The following NSD1 variants were observed in gnomAD, a reference collection of about 807,000 sequenced individuals.
NSD1 encodes the protein histone-lysine N-methyltransferase, H3 lysine-36 specific.
NSD1 carries 26 observed loss-of-function variants against 242.7 expected under a neutral mutation model. The observed-to-expected ratio is 0.11, with a 90% confidence interval of 0.08 to 0.15. The LOEUF is 0.15. Among genes scored for constraint, NSD1 ranks in the 10% least tolerant of loss-of-function variants. The pLI is 1.00. For synonymous variants in NSD1, 1,106 were observed against 1,178.1 expected, an observed-to-expected ratio of 0.94 and a Z score of 1.25; for missense variants, 2,495 against 3,272.8, an observed-to-expected ratio of 0.76 and a Z score of 5.80.
At position 177,165,069 on chromosome 5, in the gene NSD1, C is replaced by A. The variant is rs192771842; in HGVS notation, c.928-26815C>A. Among the ~76,000 whole-genome samples, 16 of 152,104 alleles carry A rather than the reference C, an allele frequency of 1.1e-4. No individual in the cohort carries two copies. In the East Asian group the frequency reaches 2.5e-3, roughly 24 times the overall value. ...ATCACTTGAACTCAGAAGTTTGAGA[C>A]CAGCCTGGTCAACATAGGGAAACCT... On this transcript the variant is annotated intron_variant, in intron 2 of 22. Coordinates refer to ENST00000439151, the MANE Select transcript of NSD1 (RefSeq NM_022455.5).
intron 2 of NSD1, among the ~76,000 whole-genome samples, chr5:177,158,998 T>TTATATATATATATATA (rs10564918): frequency 1.0e-3 from 128 of 122,574 alleles, no homozygotes; most frequent in African/African-American, 4.4e-3. Context: ...ATGAATGATT[T>TTATATATATATATATA]TATATATATA....
In NSD1 at chr5:177,295,991, G is replaced by A; in HGVS notation, c.*532G>A. ...TGAGCCTGGATTCCAAGGCTTTCAGGAACCTTTGACCAGGAAGTAACAGGA... is the reference window on the plus strand; with the variant it reads ...TGAGCCTGGATTCCAAGGCTTTCAGAAACCTTTGACCAGGAAGTAACAGGA... On this transcript the variant is annotated 3_prime_UTR_variant, in exon 23 of 23. Transcript: ENST00000439151. This position sits in a 1 kb window ranked among gnomAD's most constrained non-coding sequence, Gnocchi z 4.3. The A allele has an allele frequency of 3.8e-6, 1 of 260,340 alleles. No individual in the cohort carries two copies. Among genetic ancestry groups the A allele is most frequent in the East Asian group, 5.3e-5 (1 of 18,770 alleles). 16.1% of individuals were successfully genotyped at this position (260,340 alleles called of 1,614,324 possible). A position where few individuals can be genotyped will look rare whatever the true frequency, so the allele number is the denominator to read the frequency against.
rs535095639 is a variant in NSD1, at chr5:177,135,700, A to T, written c.597A>T (p.Ser199=). 7 of 1,614,240 alleles carry T rather than the reference A, an allele frequency of 4.3e-6. No individual in the cohort carries two copies. In the East Asian group the frequency reaches 1.1e-4, roughly 26 times the overall value. ...CCACCTGCAATTATGAGACTAAATC[A>T]GAGAATGGTGTAAAAGTGGCCATGG... The part of the protein sequence containing the change: ...TNATCNYETK[S]ENGVKVAMGS... The change falls in exon 2 of 23, where the codon TCA becomes TCT. Residue 199 remains serine (S), a synonymous_variant. Transcript: ENST00000439151.
At chr5:177,156,174 A>AT (rs34417228) in intron 2 of NSD1, among the ~76,000 whole-genome samples, 10,967 of 78,016 alleles carry the variant, frequency 0.14, 1,508 homozygotes, top group East Asian at 0.4. Context: ...CTCTTTTCAG[A>AT]TTTTTTTTTT....
rs756897152 is a variant in NSD1, at chr5:177,291,948, C to A, written c.6259-6C>A. The A allele has an allele frequency of 1.2e-6, 2 of 1,613,014 alleles. No homozygotes were observed. The highest frequency in any genetic ancestry group is 1.7e-6 in the Non-Finnish European group (2 of 1,179,480). On this transcript the variant is annotated splice_polypyrimidine_tract_variant and splice_region_variant and intron_variant, in intron 21 of 22. Coordinates refer to ENST00000439151, the MANE Select transcript of NSD1 (RefSeq NM_022455.5). ...GAATGCTGACTGTTCAATATCTGAC[C>A]TGTAGAATCAACCCATTGCCACGGA... is the stretch of plus-strand genomic sequence containing the variant.
At position 177,135,242 on chromosome 5, in the gene NSD1, A is replaced by G; in HGVS notation, c.139A>G (p.Thr47Ala). The G allele has an allele frequency of 6.2e-7, 1 of 1,613,928 alleles. No homozygotes were observed. The highest frequency in any genetic ancestry group is 8.5e-7 in the Non-Finnish European group (1 of 1,179,778). Residue 47 changes from threonine (T) to alanine (A), a missense_variant, in exon 2 of 23, where the codon ACT becomes GCT. Thr to Ala is a moderately conservative substitution (Grantham distance 58, BLOSUM62 0). Coordinates refer to ENST00000439151, the MANE Select transcript of NSD1 (RefSeq NM_022455.5). The part of the protein sequence containing the change: ...SNFSEPLNGC[T>A]MQLSTVSGTS... Reference sequence around the variant, plus strand: ...TTTTTCTGAGCCACTTAATGGGTGTACTATGCAGTTATCGACTGTCAGTGG... The same window carrying G: ...TTTTTCTGAGCCACTTAATGGGTGTGCTATGCAGTTATCGACTGTCAGTGG...
chr5:177,170,544 G>C (rs897169751), intron 2 of NSD1, among the ~76,000 whole-genome samples: 18 of 152,008 alleles, frequency 1.2e-4, no homozygotes, highest in Non-Finnish European at 2.4e-4. Flanking sequence ...GTAGAGACGG[G>C]GTTTCACCAT....
chr5:177,249,734 G>A (rs1414377093), intron 11 of NSD1, among the ~76,000 whole-genome samples: 3 of 152,188 alleles, frequency 2.0e-5, no homozygotes, highest in East Asian at 3.8e-4. Context: ...TGATCTGCCC[G>A]CCTCGGCCTC....
At chr5:177,195,062 G>A (rs1030834511) in intron 3 of NSD1, among the ~76,000 whole-genome samples, 3 of 152,098 alleles carry the variant, frequency 2.0e-5, no homozygotes, top group Admixed American at 2.0e-4. Flanking sequence ...GGGAGGCTGA[G>A]GCAGAAGAAT....
chr5:177,171,263 C>T (rs1245791913), intron 2 of NSD1, among the ~76,000 whole-genome samples: 1 of 151,722 alleles, frequency 6.6e-6, no homozygotes, highest in Non-Finnish European at 1.5e-5. Context: ...GCCAAGATCA[C>T]GCCGCTGCAC....
At chr5:177,225,960 C>T (rs766199550) in intron 5 of NSD1, among the ~76,000 whole-genome samples, 1 of 152,138 alleles carries the variant, frequency 6.6e-6, no homozygotes, top group Non-Finnish European at 1.5e-5. Context: ...AGTATATATA[C>T]GTTGTTTGTA....
intron 3 of NSD1, among the ~76,000 whole-genome samples, chr5:177,194,758 G>T (rs1459947142): frequency 7.7e-6 from 1 of 129,116 alleles, no homozygotes; most frequent in African/African-American, 3.2e-5. Flanking sequence ...TTGGAGTGCA[G>T]TGGCACAATC....
At position 177,210,471 on chromosome 5, in the gene NSD1, C is replaced by T. The variant is rs561669169; in HGVS notation, c.2072C>T (p.Ala691Val). Residue 691 changes from alanine to valine, a missense_variant, in exon 5 of 23, where the codon GCC becomes GTC. By Grantham distance (64) the Ala-to-Val change is moderately conservative (BLOSUM62 0). Coordinates refer to ENST00000439151, the MANE Select transcript of NSD1 (RefSeq NM_022455.5). The stretch of plus-strand genomic sequence containing the variant: ...AAGATAAAGTATTCTAGGTTTGCTG[C>T]CACAAACACTAGGGTAAAAGCAAAA... The part of the protein sequence containing the change: ...NEKIKYSRFA[A>V]TNTRVKAKQK... 4.3e-6 allele frequency: 7 copies of T among 1,613,970 alleles called. No individual in the cohort carries two copies. The highest frequency in any genetic ancestry group is 5.1e-6 in the Non-Finnish European group (6 of 1,180,004).
chr5:177,171,206 C>T (rs1483994992), intron 2 of NSD1, among the ~76,000 whole-genome samples: 1 of 151,770 alleles, frequency 6.6e-6, no homozygotes, highest in Non-Finnish European at 1.5e-5. Flanking sequence ...ACTCAGGAGG[C>T]TGAGGAAGGA....
Position 177,136,011 on chromosome 5 carries a change from C to A in NSD1, c.908C>A (p.Thr303Asn), listed in dbSNP as rs748009885. 6.2e-7 allele frequency: 1 copy of A among 1,614,024 alleles called. No homozygotes were observed. The highest frequency in any genetic ancestry group is 8.5e-7 in the Non-Finnish European group (1 of 1,179,974). ...LELPGTSSSS[T>N]SQELPFCQPK... is the part of the protein sequence containing the mutation. ...TTACCTGGAACTTCATCATCATCTA[C>A]TTCACAGGAATTGCCATTTGTAAGC... Residue 303 changes from threonine (T) to asparagine (N), a missense_variant, in exon 2 of 23, where the codon ACT becomes AAT. Thr to Asn is a moderately conservative substitution (Grantham distance 65). Around this residue, in one of 19 missense-constraint regions of NSD1, gnomAD observed 376 missense variants for 367.4 expected, o/e 1.02. Transcript: ENST00000439151.
chr5:177,262,740 G>A (rs1022334587), intron 14 of NSD1, among the ~76,000 whole-genome samples: 3 of 152,326 alleles, frequency 2.0e-5, no homozygotes, highest in Non-Finnish European at 2.9e-5. Context: ...TTAGCCAGGC[G>A]TGATGGCAGA....
intron 2 of NSD1, among the ~76,000 whole-genome samples, chr5:177,148,346 G>A (rs916824184): frequency 6.6e-6 from 1 of 152,026 alleles, no homozygotes; most frequent in East Asian, 1.9e-4. Context: ...CCAAACTCTT[G>A]ACCCCAGGTG....
intron 2 of NSD1, among the ~76,000 whole-genome samples, chr5:177,156,223 C>A (rs898973362): frequency 1.2e-4 from 16 of 131,508 alleles, no homozygotes; most frequent in Non-Finnish European, 2.2e-4. Flanking sequence ...GCTCTGTCTC[C>A]AGGCTGGAGT....
chr5:177,284,241 A>C (rs1236116271), intron 20 of NSD1, among the ~76,000 whole-genome samples: 2 of 152,122 alleles, frequency 1.3e-5, no homozygotes, highest in East Asian at 3.9e-4. Context: ...AATGGACAAT[A>C]TTTGTCCTTT....
Sources: gnomAD v4.1 joint callset for allele counts (sites outside exome capture counted in the v4.1 genomes callset) on GRCh38, gnomAD v4.1.1 for gene constraint, gnomAD v4.1.1 regional missense constraint, Gnocchi (gnomAD v3.1) non-coding constraint, MANE v1.5 for transcripts, NCBI Gene and HGNC (gene_info 2026-07-23, HGNC 2026-07-21) for gene names.